The following TLK2 variants were observed in gnomAD, a reference collection of about 807,000 sequenced individuals.
TLK2 encodes the protein tousled like kinase 2.
In TLK2, 6 loss-of-function variants were observed where a neutral mutation model predicts 117.3. That is an observed-to-expected ratio of 0.05 (90% CI 0.03 to 0.10). TLK2 has a LOEUF of 0.10. Ranked by LOEUF, TLK2 falls within the 10% of genes least tolerant of loss-of-function variation. The pLI is 1.00. For synonymous variants in TLK2, 257 were observed against 316.7 expected (o/e 0.81, Z 2.00); for missense variants, 299 against 901.2 (o/e 0.33, Z 8.56).
At chr17:62,607,970 T>G in intron 20 of TLK2, 71 bp from the exon 21 acceptor site, 1 of 1,277,750 alleles carries the variant, frequency 7.8e-7, no homozygotes. Context: ...TTTCCTTCCC[T>G]GGGGTATTGA....
Position 62,612,624 on chromosome 17 carries a change from C to T in TLK2, c.*59C>T, listed in dbSNP as rs929059625. On this transcript the variant is annotated 3_prime_UTR_variant, in exon 22 of 22. Transcript: ENST00000346027. ...CACAAAGTGGACAAATGGCGTTCAG[C>T]AGCGGGTTTGGAACATAGCGAATCC... 8.6e-6 allele frequency: 13 copies of T among 1,513,402 alleles called. No individual in the cohort carries two copies. In the African/African-American group the frequency reaches 1.8e-4, roughly 21 times the overall value. 93.7% of individuals were successfully genotyped at this position (1,513,402 alleles called of 1,614,324 possible).
At chr17:62,604,548 G>A (rs1472734329) in intron 19 of TLK2, among the ~76,000 whole-genome samples, 2 of 152,130 alleles carry the variant, frequency 1.3e-5, no homozygotes, top group African/African-American at 4.8e-5. Flanking sequence ...ACTTACAGGT[G>A]GAGAAACTGA....
intron 12 of TLK2, among the ~76,000 whole-genome samples, chr17:62,575,771 A>T (rs1177948811): frequency 6.6e-6 from 1 of 151,808 alleles, no homozygotes; most frequent in Non-Finnish European, 1.5e-5. Context: ...ATTATAGCTC[A>T]CTATAGCCTC....
intron 2 of TLK2, among the ~76,000 whole-genome samples, chr17:62,487,723 A>G (rs1598145021): frequency 2.2e-5 from 3 of 137,728 alleles, no homozygotes; most frequent in South Asian, 4.8e-4. Context: ...TCCCAGGTCC[A>G]AGTGATTCTC....
rs59375141 is a variant in TLK2 at position 62,548,240 on chromosome 17, A to ATGTGTGTGTGTGTGTGTGTGTG, written c.532-4048_532-4027dup. On this transcript the variant is annotated intron_variant, in intron 7 of 21. Coordinates refer to ENST00000346027, the MANE Select transcript of TLK2 (RefSeq NM_006852.6). ...TTATCATTGGGCCATATATATATAT[A>ATGTGTGTGTGTGTGTGTGTGTG]TGTGTGTGTGTGTGTGTGTGTGTGT... Among the ~76,000 whole-genome samples the ATGTGTGTGTGTGTGTGTGTGTG allele has an allele frequency of 4.1e-5, 5 of 121,234 alleles. 1 individual carries two copies. The highest frequency in any genetic ancestry group is 1.5e-4 in the African/African-American group (5 of 32,360). 79.5% of individuals were successfully genotyped at this position (121,234 alleles called of 152,430 possible). A position where few individuals can be genotyped will look rare whatever the true frequency, so the allele number is the denominator to read the frequency against.
At chr17:62,545,508 T>G (rs1033021795) in intron 7 of TLK2, among the ~76,000 whole-genome samples, 1 of 151,964 alleles carries the variant, frequency 6.6e-6, no homozygotes, top group African/African-American at 2.4e-5. Context: ...TCCCAGTTAT[T>G]TGGGAGGCTG....
intron 6 of TLK2, among the ~76,000 whole-genome samples, chr17:62,529,932 C>T (rs1194353788): frequency 3.3e-5 from 5 of 151,962 alleles, no homozygotes; most frequent in Non-Finnish European, 5.9e-5. Context: ...TGGTGGTTCA[C>T]GCCTGTAATC....
chr17:62,505,998 A>G (rs1333797584), intron 2 of TLK2, among the ~76,000 whole-genome samples: 1 of 152,198 alleles, frequency 6.6e-6, no homozygotes, highest in Non-Finnish European at 1.5e-5. Context: ...CAGTCAATAC[A>G]CTTTAATCCA....
intron 7 of TLK2, chr17:62,550,221 TC>T (rs2078342535): frequency 6.6e-6 from 1 of 152,290 alleles, no homozygotes; most frequent in South Asian, 2.1e-4. Flanking sequence ...CCTCAGGTCA[TC>T]CACCCACCTC....
chr17:62,603,970 C>CTTTATTTA (rs66748805), intron 19 of TLK2, among the ~76,000 whole-genome samples: 115 of 141,512 alleles, frequency 8.1e-4, no homozygotes, highest in Middle Eastern at 7.0e-3. Flanking sequence ...ACATTGAATA[C>CTTTATTTA]TTTATTTATT....
intron 10 of TLK2, among the ~76,000 whole-genome samples, chr17:62,562,977 A>G (rs919434252): frequency 3.3e-5 from 5 of 152,186 alleles, no homozygotes; most frequent in South Asian, 2.1e-4. Context: ...AAGAAAGTAA[A>G]TGTCCATAAA....
intron 2 of TLK2, among the ~76,000 whole-genome samples, chr17:62,510,291 C>T (rs2075042079): frequency 2.0e-5 from 3 of 152,126 alleles, no homozygotes; most frequent in South Asian, 2.1e-4. Flanking sequence ...TACCCAGTCT[C>T]AGGCATTCTG....
chr17:62,543,651 T>C (rs1452648383), intron 7 of TLK2, among the ~76,000 whole-genome samples: 1 of 152,220 alleles, frequency 6.6e-6, no homozygotes, highest in Non-Finnish European at 1.5e-5. Flanking sequence ...GAGAGATCAC[T>C]ATTCAAATCC....
At chr17:62,589,656 ACCT>A (rs1287955802) in intron 16 of TLK2, among the ~76,000 whole-genome samples, 6 of 152,288 alleles carry the variant, frequency 3.9e-5, no homozygotes, top group Middle Eastern at 3.4e-3. Flanking sequence ...TGTTTTCTGT[ACCT>A]CAACAAGAGA....
At chr17:62,611,038 CTGAGGT>C (rs938710334) in intron 21 of TLK2, among the ~76,000 whole-genome samples, 1 of 152,056 alleles carries the variant, frequency 6.6e-6, no homozygotes, top group African/African-American at 2.4e-5. Flanking sequence ...ACTTGGGAGG[CTGAGGT>C]AGAGGATCAC....
chr17:62,580,089 T>TA (rs758356761), intron 14 of TLK2, 22 bp from the exon 15 acceptor site: 25 of 1,606,452 alleles, frequency 1.6e-5, no homozygotes, highest in Admixed American at 1.3e-4. Context: ...CTCAGGGTGT[T>TA]ACATGTTCCC....
chr17:62,485,816 GTTTTTTTTTTT>G (rs879159414), intron 2 of TLK2, among the ~76,000 whole-genome samples: 3 of 122,562 alleles, frequency 2.4e-5, no homozygotes, highest in African/African-American at 9.2e-5. Context: ...TAATTTTCTG[GTTTTTTTTTTT>G]TTTTTTTTTT....
chr17:62,575,715 G>A (rs561286852), intron 12 of TLK2, among the ~76,000 whole-genome samples: 38 of 149,328 alleles, frequency 2.5e-4, no homozygotes, highest in African/African-American at 8.4e-4. Context: ...TTTCTTTCTT[G>A]AGACAGAGCC....
At chr17:62,598,539 TC>T (rs1323142932) in intron 17 of TLK2, among the ~76,000 whole-genome samples, 1 of 152,036 alleles carries the variant, frequency 6.6e-6, no homozygotes, top group African/African-American at 2.4e-5. Flanking sequence ...CTTTTTTTTT[TC>T]CTGAGATGGA....
Sources: gnomAD v4.1 joint callset for allele counts (sites outside exome capture counted in the v4.1 genomes callset) on GRCh38, gnomAD v4.1.1 for gene constraint, MANE v1.5 for transcripts, NCBI Gene and HGNC (gene_info 2026-07-23, HGNC 2026-07-21) for gene names.